GLDN: variants seen among roughly 807,000 people sequenced by gnomAD.
GLDN encodes gliomedin.
GLDN carries 47 observed loss-of-function variants against 56.5 expected under a neutral mutation model. The ratio of observed to expected loss-of-function variants is 0.83; its 90% CI spans 0.66 to 1.06. GLDN has a LOEUF of 1.06. Among genes scored for constraint, GLDN ranks in the 50% least tolerant of loss-of-function variants. The pLI is 0.00. For synonymous variants in GLDN, 332 were observed against 278.8 expected (o/e 1.19, Z -1.90); for missense variants, 782 against 714.3 (o/e 1.09, Z -1.08).
intron 1 of GLDN, among the ~76,000 whole-genome samples, chr15:51,373,279 G>A (rs1034097004): frequency 7.2e-5 from 11 of 152,108 alleles, no homozygotes; most frequent in African/African-American, 1.9e-4. Context: ...ACCAAAATCC[G>A]CACACACTCA....
At chr15:51,372,918 C>T (rs182938536) in intron 1 of GLDN, among the ~76,000 whole-genome samples, 1 of 152,268 alleles carries the variant, frequency 6.6e-6, no homozygotes, top group Non-Finnish European at 1.5e-5. Context: ...TAGTGAGGGC[C>T]TTCTTCCTGC....
At chr15:51,395,433 C>T (rs1398673262) in intron 5 of GLDN, among the ~76,000 whole-genome samples, 2 of 152,234 alleles carry the variant, frequency 1.3e-5, no homozygotes, top group African/African-American at 4.8e-5. Context: ...TGTGCCAAGC[C>T]CTGGTCGACC....
rs770281444 is a variant in GLDN, at chr15:51,401,734, C to T, written c.1169C>T (p.Thr390Ile). The change falls in exon 9 of 10, where the codon ACC becomes ATC. Residue 390 changes from threonine (T) to isoleucine (I), a missense_variant. Thr to Ile is a moderately conservative substitution (Grantham distance 89). Coordinates refer to ENST00000335449, the MANE Select transcript of GLDN (RefSeq NM_181789.4). ...SLYYHKGGSNTLVRFEFGQET... is the reference protein window; with the variant it reads ...SLYYHKGGSNILVRFEFGQET... ...TACTACCACAAAGGGGGTTCTAATA[C>T]CCTAGTGAGGTAAGTCGCACCACAG... 7.4e-6 allele frequency: 12 copies of T among 1,613,486 alleles called. No individual in the cohort carries two copies. The highest frequency in any genetic ancestry group is 1.0e-5 in the Non-Finnish European group (12 of 1,179,628).
chr15:51,404,526 C>A lies in GLDN; in HGVS notation c.1428C>A (p.Phe476Leu), dbSNP rs750803388. Reference protein sequence around the residue: ...TYPKSKAGNAFIARGILYVTD... With the variant: ...TYPKSKAGNALIARGILYVTD... The stretch of plus-strand genomic sequence containing the variant: ...CTAAATCCAAGGCTGGCAACGCCTT[C>A]ATTGCCCGAGGAATCCTCTATGTCA... The change falls in exon 10 of 10, where the codon TTC becomes TTA. Residue 476 changes from phenylalanine (F) to leucine (L), a missense_variant. By Grantham distance (22) the Phe-to-Leu change is conservative. Coordinates refer to ENST00000335449, the MANE Select transcript of GLDN (RefSeq NM_181789.4). The A allele has an allele frequency of 2.2e-5, 35 of 1,614,054 alleles. No individual in the cohort carries two copies. Among genetic ancestry groups the A allele is most frequent in the Non-Finnish European group, 2.9e-5 (34 of 1,180,030 alleles).
At chr15:51,374,407 A>G (rs898588402) in intron 1 of GLDN, among the ~76,000 whole-genome samples, 1 of 152,030 alleles carries the variant, frequency 6.6e-6, no homozygotes, top group African/African-American at 2.4e-5. Context: ...CAGTGAATCA[A>G]TTTTTTTTCT....
chr15:51,350,226 GCAAA>G (rs921157998), intron 1 of GLDN, among the ~76,000 whole-genome samples: 3 of 152,152 alleles, frequency 2.0e-5, no homozygotes. Context: ...CAAACTGAGA[GCAAA>G]CAATGTTAGG....
intron 1 of GLDN, among the ~76,000 whole-genome samples, chr15:51,353,705 G>A (rs1465412082): frequency 8.8e-6 from 1 of 113,650 alleles, no homozygotes; most frequent in Non-Finnish European, 1.7e-5. Flanking sequence ...AACAGTCCTC[G>A]GATTTGATTA....
chr15:51,341,815 T>G lies in GLDN; in HGVS notation c.131T>G (p.Leu44Arg). The change falls in exon 1 of 10, where the codon CTG becomes CGG. Residue 44 changes from leucine (L) to arginine (R), a missense_variant. Leu to Arg is a moderately radical substitution (Grantham distance 102). Coordinates refer to ENST00000335449, the MANE Select transcript of GLDN (RefSeq NM_181789.4). Reference sequence around the variant, plus strand: ...TTCGCGCTGTGCCAGTGGCGCGGGCTGAGCTCGGCGCTGCGGGCTTTGGAG... The same window carrying G: ...TTCGCGCTGTGCCAGTGGCGCGGGCGGAGCTCGGCGCTGCGGGCTTTGGAG... Reference protein sequence around the residue: ...TVFALCQWRGLSSALRALEAQ... With the variant: ...TVFALCQWRGRSSALRALEAQ... The G allele has an allele frequency of 1.3e-6, 2 of 1,514,196 alleles. No individual in the cohort carries two copies. The highest frequency in any genetic ancestry group is 1.8e-6 in the Non-Finnish European group (2 of 1,139,744). The allele number at this position is 1,514,196 out of a possible 1,614,324, so 93.8% of individuals were successfully genotyped here.
chr15:51,342,873 C>T (rs1000903376), intron 1 of GLDN, among the ~76,000 whole-genome samples: 2 of 152,116 alleles, frequency 1.3e-5, no homozygotes, highest in African/African-American at 4.8e-5. Flanking sequence ...CCATTGCATG[C>T]CTCCCCCAAA....
chr15:51,411,292 T>G (rs986320537), downstream of GLDN, among the ~76,000 whole-genome samples: 1 of 152,214 alleles, frequency 6.6e-6, no homozygotes, highest in East Asian at 1.9e-4. Flanking sequence ...TCAGACCCTG[T>G]ACTTAAAGAT....
intron 1 of GLDN, 117 bp from the exon 2 acceptor site, chr15:51,377,332 G>A (rs946387547): frequency 6.5e-6 from 5 of 767,638 alleles, no homozygotes; most frequent in Non-Finnish European, 8.7e-6. Flanking sequence ...GAACTTCCGC[G>A]GGTTCTCCTA....
intron 1 of GLDN, among the ~76,000 whole-genome samples, chr15:51,370,532 A>G (rs1487235227): frequency 2.0e-5 from 3 of 152,212 alleles, no homozygotes; most frequent in Admixed American, 1.3e-4. Context: ...GATCTGTCCA[A>G]GTAATTTCAA....
In GLDN at chr15:51,362,852, G is replaced by T. The variant is rs181588480; in HGVS notation, c.364-14597G>T. On this transcript the variant is annotated intron_variant, in intron 1 of 9. Transcript: ENST00000335449. ...GCAGTGGAGATGATAAGTGGATGGG[G>T]TAAAGATATGTCTGATAGTTGAGCT... 1.2e-3 allele frequency among the ~76,000 whole-genome samples: 185 copies of T among 152,272 alleles called. 1 individual carries two copies. The highest frequency in any genetic ancestry group is 4.2e-3 in the African/African-American group (174 of 41,554).
At chr15:51,372,952 A>G (rs1429636695) in intron 1 of GLDN, among the ~76,000 whole-genome samples, 1 of 152,196 alleles carries the variant, frequency 6.6e-6, no homozygotes, top group Non-Finnish European at 1.5e-5. Flanking sequence ...AGAAGACAAA[A>G]GGGCAAGAGA....
chr15:51,384,371 A>G (rs759504348), intron 4 of GLDN: 15 of 195,446 alleles, frequency 7.7e-5, no homozygotes, highest in Non-Finnish European at 1.5e-4. Context: ...TTGAGTGGAA[A>G]GGCAGCATCC....
intron 1 of GLDN, chr15:51,369,118 A>G (rs1479882359): frequency 1.3e-5 from 2 of 152,154 alleles, no homozygotes; most frequent in African/African-American, 4.8e-5. Flanking sequence ...TCAGCTTCAG[A>G]TCCCATGAAG....
intron 1 of GLDN, 92 bp from the exon 2 acceptor site, chr15:51,377,357 C>T: frequency 8.9e-7 from 1 of 1,121,658 alleles, no homozygotes. Context: ...TACTTGGTGA[C>T]TTTTTATGAT....
chr15:51,369,229 A>G (rs2037467560), intron 1 of GLDN: 1 of 152,254 alleles, frequency 6.6e-6, no homozygotes, highest in Admixed American at 6.5e-5. Flanking sequence ...AGCCAATGGT[A>G]AGGTGAATTA....
At chr15:51,413,224 CA>C in the GLDN span, among the ~76,000 whole-genome samples, 1 of 152,122 alleles carries the variant, frequency 6.6e-6, no homozygotes, top group Admixed American at 6.5e-5. Context: ...TATGTTTTTT[CA>C]GAGCCTTTTT....
Sources: allele counts gnomAD v4.1 joint callset (sites outside exome capture counted in the v4.1 genomes callset), GRCh38; gene constraint gnomAD v4.1.1; transcripts MANE v1.5; gene names NCBI Gene and HGNC (gene_info 2026-07-23, HGNC 2026-07-21).